Variants in SGCD observed in about 807,000 individuals in gnomAD.
The protein encoded by SGCD is delta-sarcoglycan.
SGCD carries 18 observed loss-of-function variants against 36.6 expected under a neutral mutation model. The observed-to-expected ratio is 0.49, with a 90% CI of 0.34 to 0.73. SGCD has a LOEUF of 0.73. Among genes scored for constraint, SGCD ranks in the 30% least tolerant of loss-of-function variants. SGCD has a pLI of 0.01. For missense variants in SGCD, 387 were observed against 346.7 expected, an observed-to-expected ratio of 1.12 and a Z score of -0.92; for synonymous variants, 133 against 130.6, an observed-to-expected ratio of 1.02 and a Z score of -0.12.
At chr5:156,535,299 T>C (rs1164613841) in intron 4 of SGCD, among the ~76,000 whole-genome samples, 5 of 152,226 alleles carry the variant, frequency 3.3e-5, no homozygotes, top group Admixed American at 2.6e-4. Context: ...GCACAGTTGA[T>C]TGACTTTAAT....
At chr5:155,937,165 G>T (rs1757224503) in intron 1 of SGCD, among the ~76,000 whole-genome samples, 1 of 152,216 alleles carries the variant, frequency 6.6e-6, no homozygotes, top group Non-Finnish European at 1.5e-5. Flanking sequence ...GCCCGGGTCT[G>T]CAGGCATGAC....
chr5:156,471,129 G>A (rs7721082), intron 3 of SGCD, among the ~76,000 whole-genome samples: 126,055 of 152,136 alleles, frequency 0.83, 52,744 homozygotes, highest in African/African-American at 0.96. Flanking sequence ...ATGGAATGGA[G>A]AAGAGACTAT....
chr5:156,394,148 A>G (rs954099030), intron 3 of SGCD, among the ~76,000 whole-genome samples: 1 of 152,206 alleles, frequency 6.6e-6, no homozygotes, highest in Non-Finnish European at 1.5e-5. Context: ...TAACCTTGGC[A>G]AGTTATGATT....
intron 3 of SGCD, among the ~76,000 whole-genome samples, chr5:156,463,440 A>G (rs1352846708): frequency 1.3e-5 from 2 of 152,120 alleles, no homozygotes; most frequent in East Asian, 1.9e-4. Flanking sequence ...TAAATTTGTA[A>G]TAAAGTTCTA....
chr5:156,292,016 T>C (rs1766770620), intron 3 of SGCD, among the ~76,000 whole-genome samples: 1 of 152,076 alleles, frequency 6.6e-6, no homozygotes, highest in African/African-American at 2.4e-5. Flanking sequence ...CCCCAGCCAC[T>C]AGTAACCACC....
intron 1 of SGCD, among the ~76,000 whole-genome samples, chr5:155,971,575 G>T (rs1195921325): frequency 2.0e-5 from 3 of 152,062 alleles, no homozygotes; most frequent in Non-Finnish European, 2.9e-5. Context: ...GACAATTGAT[G>T]TATGATTTGT....
chr5:155,734,126 CT>C, the SGCD span, among the ~76,000 whole-genome samples: 1 of 144,794 alleles, frequency 6.9e-6, no homozygotes. Context: ...AATATTGTTA[CT>C]GATATTAATT....
At chr5:155,794,480 G>A in the SGCD span, among the ~76,000 whole-genome samples, 1 of 152,008 alleles carries the variant, frequency 6.6e-6, no homozygotes, top group Non-Finnish European at 1.5e-5. Context: ...CTTCAGTTAA[G>A]TAAAATCTAT....
chr5:156,608,427 G>T (rs973586288), intron 6 of SGCD, among the ~76,000 whole-genome samples: 1 of 152,160 alleles, frequency 6.6e-6, no homozygotes, highest in Non-Finnish European at 1.5e-5. Flanking sequence ...TATAATTTCT[G>T]TTCTTTTACA....
intron 1 of SGCD, among the ~76,000 whole-genome samples, chr5:155,998,132 T>C (rs1031567583): frequency 6.6e-6 from 1 of 152,234 alleles, no homozygotes; most frequent in Non-Finnish European, 1.5e-5. Context: ...ATGCTTTTAA[T>C]AAATATGAAG....
At chr5:155,989,244 C>T (rs1758387586) in intron 1 of SGCD, among the ~76,000 whole-genome samples, 1 of 152,092 alleles carries the variant, frequency 6.6e-6, no homozygotes, top group Non-Finnish European at 1.5e-5. Flanking sequence ...TGGTTTCTGC[C>T]ATTGCAGTAT....
intron 6 of SGCD, among the ~76,000 whole-genome samples, chr5:156,602,570 T>C (rs1240145033): frequency 6.6e-6 from 1 of 152,158 alleles, no homozygotes; most frequent in African/African-American, 2.4e-5. Flanking sequence ...AGTATGATGT[T>C]AACTGGTGAT....
the SGCD span, among the ~76,000 whole-genome samples, chr5:155,738,686 G>T: frequency 6.7e-6 from 1 of 149,600 alleles, no homozygotes; most frequent in African/African-American, 2.5e-5. Context: ...GAGTGTGTGT[G>T]TGAGAGTGTA....
At chr5:156,585,523 C>T (rs545561144) in intron 4 of SGCD, among the ~76,000 whole-genome samples, 3 of 152,126 alleles carry the variant, frequency 2.0e-5, no homozygotes, top group African/African-American at 4.8e-5. Flanking sequence ...TAGAGCACTG[C>T]GACCAATGCA....
At chr5:156,587,585 C>T (rs1561797530) in intron 4 of SGCD, among the ~76,000 whole-genome samples, 1 of 152,182 alleles carries the variant, frequency 6.6e-6, no homozygotes, top group East Asian at 1.9e-4. Flanking sequence ...GCCATTCTGC[C>T]ATGTGCAGGT....
At chr5:155,914,128 T>C (rs1299572817) in intron 1 of SGCD, among the ~76,000 whole-genome samples, 1 of 152,150 alleles carries the variant, frequency 6.6e-6, no homozygotes. Context: ...GGAAGAAACC[T>C]TAAACTTGGA....
intron 3 of SGCD, among the ~76,000 whole-genome samples, chr5:156,137,740 A>G (rs554411696): frequency 5.1e-4 from 78 of 152,120 alleles, no homozygotes; most frequent in Non-Finnish European, 9.7e-4. Flanking sequence ...TGTCTCAAAT[A>G]TGGGTGGGGC....
At chr5:155,928,169 T>C (rs73810351) in intron 1 of SGCD, among the ~76,000 whole-genome samples, 1 of 152,206 alleles carries the variant, frequency 6.6e-6, no homozygotes, top group East Asian at 1.9e-4. Context: ...TATTTTTTGA[T>C]GCCCCACTTC....
chr5:156,331,362 G>A (rs1229450299), intron 2 of SGCD, among the ~76,000 whole-genome samples: 1 of 152,200 alleles, frequency 6.6e-6, no homozygotes, highest in Non-Finnish European at 1.5e-5. Flanking sequence ...GACTGGGGAG[G>A]AACATGTCAC....
Sources: gnomAD v4.1 joint callset for allele counts (sites outside exome capture counted in the v4.1 genomes callset) on GRCh38, gnomAD v4.1.1 for gene constraint, MANE v1.5 for transcripts, NCBI Gene and HGNC (gene_info 2026-07-23, HGNC 2026-07-21) for gene names.